BAIAP2L1: variants seen among roughly 807,000 people sequenced by gnomAD.
The protein encoded by BAIAP2L1 is BAR/IMD domain-containing adapter protein 2-like 1.
Under a neutral mutation model 66.3 loss-of-function variants are expected in BAIAP2L1, and 35 were observed. The ratio of observed to expected loss-of-function variants is 0.53; its 90% CI spans 0.40 to 0.70. The LOEUF is 0.70. Ranked by LOEUF, BAIAP2L1 falls within the 30% of genes least tolerant of loss-of-function variation. BAIAP2L1 has a pLI of 0.00. For missense variants in BAIAP2L1, 622 were observed against 656.9 expected, an observed-to-expected ratio of 0.95 and a Z score of 0.58; for synonymous variants, 269 against 248.7, an observed-to-expected ratio of 1.08 and a Z score of -0.77.
intron 12 of BAIAP2L1, among the ~76,000 whole-genome samples, chr7:98,301,577 A>C (rs953609657): frequency 4.0e-5 from 6 of 151,822 alleles, no homozygotes; most frequent in African/African-American, 1.5e-4. Flanking sequence ...TCGGACTCCC[A>C]AAGTGCTGGG....
In BAIAP2L1 at chr7:98,293,319, G is replaced by T. The variant is rs906437800; in HGVS notation, c.*202C>A. On this transcript the variant is annotated 3_prime_UTR_variant, in exon 14 of 14. Coordinates refer to ENST00000005260, the MANE Select transcript of BAIAP2L1 (RefSeq NM_018842.5). Reference sequence around the variant, plus strand: ...TTTTAAATGGCTGAGCTGGTCATTAGACTATTACTCATTTATCTTAAAGGC... The same window carrying T: ...TTTTAAATGGCTGAGCTGGTCATTATACTATTACTCATTTATCTTAAAGGC... 32 of 527,340 alleles carry T rather than the reference G, an allele frequency of 6.1e-5. No individual in the cohort carries two copies. The highest frequency in any genetic ancestry group is 1.0e-4 in the Admixed American group (3 of 28,646). The allele number at this position is 527,340 out of a possible 1,614,324, so 32.7% of individuals were successfully genotyped here.
At chr7:98,368,505 A>G (rs1199268963) in intron 1 of BAIAP2L1, among the ~76,000 whole-genome samples, 1 of 152,130 alleles carries the variant, frequency 6.6e-6, no homozygotes, top group African/African-American at 2.4e-5. Flanking sequence ...ATTCTGGCCA[A>G]CATGGTGAAA....
intron 2 of BAIAP2L1, among the ~76,000 whole-genome samples, chr7:98,356,665 TAAA>T (rs35660519): frequency 1.2e-3 from 132 of 106,754 alleles, no homozygotes; most frequent in Admixed American, 1.9e-3. Flanking sequence ...CCTGGCTAAT[TAAA>T]AAAAAAAAAA....
rs375107527 is a variant in BAIAP2L1 at position 98,393,175 on chromosome 7, A to ATACACACATGTGTG, written c.51+7626_51+7627insCACACATGTGTGTA. Reference sequence around the variant, plus strand: ...TATATGTACACATATATGTATATATATACATATATGTGTGTGTTTATATAT... The same window carrying ATACACACATGTGTG: ...TATATGTACACATATATGTATATATATACACACATGTGTGTACATATATGTGTGTGTTTATATAT... On this transcript the variant is annotated intron_variant, in intron 1 of 13. Coordinates refer to ENST00000005260, the MANE Select transcript of BAIAP2L1 (RefSeq NM_018842.5). Among the ~76,000 whole-genome samples, 4 of 138,098 alleles carry ATACACACATGTGTG rather than the reference A, an allele frequency of 2.9e-5. No individual in the cohort carries two copies. The Admixed American group carries it at 2.9e-4, about 10-fold the overall frequency. 90.6% of individuals were successfully genotyped at this position (138,098 alleles called of 152,430 possible).
chr7:98,316,398 A>C (rs936538266), intron 6 of BAIAP2L1, among the ~76,000 whole-genome samples: 2 of 152,206 alleles, frequency 1.3e-5, no homozygotes, highest in African/African-American at 2.4e-5. Context: ...AACACTGATC[A>C]TGGAGAGTCC....
At chr7:98,392,569 G>A (rs1016332382) in intron 1 of BAIAP2L1, among the ~76,000 whole-genome samples, 3 of 152,114 alleles carry the variant, frequency 2.0e-5, no homozygotes, top group Non-Finnish European at 4.4e-5. Context: ...AGCTTTGACT[G>A]CAACCATGCC....
chr7:98,383,283 C>CT (rs112746004), intron 1 of BAIAP2L1, among the ~76,000 whole-genome samples: 202 of 137,854 alleles, frequency 1.5e-3, no homozygotes, highest in Middle Eastern at 3.8e-3. Flanking sequence ...AACTTTCAAT[C>CT]TTTTTTTTTT....
At chr7:98,308,434 G>A (rs1446541303) in intron 9 of BAIAP2L1, 3 of 373,016 alleles carry the variant, frequency 8.0e-6, no homozygotes, top group Non-Finnish European at 1.6e-5. Flanking sequence ...CTCACCAGGT[G>A]CCAGTCACGA....
In BAIAP2L1 at chr7:98,292,714, C is replaced by G; in HGVS notation, c.*807G>C. The G allele has an allele frequency of 6.4e-7, 1 of 1,551,554 alleles. No individual in the cohort carries two copies. Among genetic ancestry groups the G allele is most frequent in the Non-Finnish European group, 8.7e-7 (1 of 1,146,966 alleles). ...GATTCAAACACGGAGAAACCAGGAC[C>G]CCGAGCAGTTTGAGTGTACTGGTAA... On this transcript the variant is annotated 3_prime_UTR_variant, in exon 14 of 14. Transcript: ENST00000005260.
intron 1 of BAIAP2L1, among the ~76,000 whole-genome samples, chr7:98,369,438 G>A (rs750161769): frequency 3.3e-5 from 5 of 152,050 alleles, no homozygotes; most frequent in Non-Finnish European, 5.9e-5. Flanking sequence ...AGATCGTGCC[G>A]CTGCACTCCA....
At chr7:98,374,033 G>A (rs1802568505) in intron 1 of BAIAP2L1, among the ~76,000 whole-genome samples, 2 of 151,992 alleles carry the variant, frequency 1.3e-5, no homozygotes, top group East Asian at 1.9e-4. Context: ...GTTTACTGCA[G>A]CCTTGACCTC....
chr7:98,299,726 C>CT (rs976495380), intron 12 of BAIAP2L1, among the ~76,000 whole-genome samples: 3 of 152,150 alleles, frequency 2.0e-5, no homozygotes, highest in African/African-American at 7.2e-5. Context: ...ATGTGGCAAC[C>CT]ACTAGCTGTA....
intron 1 of BAIAP2L1, among the ~76,000 whole-genome samples, chr7:98,385,125 T>A (rs906063462): frequency 6.6e-6 from 1 of 151,916 alleles, no homozygotes; most frequent in Admixed American, 6.6e-5. Context: ...CTGGCCAACA[T>A]GGTGAAACCC....
chr7:98,365,209 A>AC (rs957492215), intron 1 of BAIAP2L1, among the ~76,000 whole-genome samples: 5 of 151,734 alleles, frequency 3.3e-5, no homozygotes, highest in African/African-American at 1.2e-4. Context: ...ACTCAGTGGG[A>AC]CCCCTAGCCA....
At chr7:98,378,835 CTCT>C (rs1279879992) in intron 1 of BAIAP2L1, among the ~76,000 whole-genome samples, 4 of 151,566 alleles carry the variant, frequency 2.6e-5, no homozygotes, top group African/African-American at 7.3e-5. Context: ...AGAAGGCTCA[CTCT>C]TTTTTTTTTT....
chr7:98,400,667 G>A (rs944932627), intron 1 of BAIAP2L1, 135 bp downstream of exon 1: 2 of 1,002,582 alleles, frequency 2.0e-6, no homozygotes, highest in Non-Finnish European at 3.1e-6. Context: ...GGGAGGAGTG[G>A]GAGAGACCGG....
intron 3 of BAIAP2L1, among the ~76,000 whole-genome samples, chr7:98,337,674 T>C (rs1380658482): frequency 6.6e-6 from 1 of 152,136 alleles, no homozygotes; most frequent in Non-Finnish European, 1.5e-5. Flanking sequence ...TCCCAGCACT[T>C]TGGGAGGCTG....
intron 3 of BAIAP2L1, among the ~76,000 whole-genome samples, chr7:98,328,657 G>A (rs963458367): frequency 3.6e-5 from 5 of 140,072 alleles, no homozygotes; most frequent in Non-Finnish European, 6.0e-5. Flanking sequence ...GACCAGCCTG[G>A]CAACATAGCA....
chr7:98,396,427 C>G (rs1464379029), intron 1 of BAIAP2L1, among the ~76,000 whole-genome samples: 1 of 152,116 alleles, frequency 6.6e-6, no homozygotes, highest in Admixed American at 6.6e-5. Context: ...AACAGAATGA[C>G]AGAAAATTCC....
Sources: gnomAD v4.1 joint callset for allele counts (sites outside exome capture counted in the v4.1 genomes callset) on GRCh38, gnomAD v4.1.1 for gene constraint, MANE v1.5 for transcripts, NCBI Gene and HGNC (gene_info 2026-07-23, HGNC 2026-07-21) for gene names.